SH3KBP1: variants seen among roughly 807,000 people sequenced by gnomAD.
SH3KBP1 encodes SH3 domain containing kinase binding protein 1, also known as SH3 domain-containing kinase-binding protein 1.
A neutral mutation model predicts 50.1 loss-of-function variants in SH3KBP1; 8 were observed. The ratio of observed to expected loss-of-function variants is 0.16; its 90% CI spans 0.09 to 0.29. The LOEUF is 0.29. Among genes scored for constraint, SH3KBP1 ranks in the 10% least tolerant of loss-of-function variants. The pLI, the probability that SH3KBP1 is intolerant of heterozygous loss-of-function variation, is 1.00. For missense variants in SH3KBP1, 377 were observed against 535.2 expected (o/e 0.70, Z 2.92); for synonymous variants, 227 against 218.6 (o/e 1.04, Z -0.34).
chrX:19,820,843 C>T (rs1301043371), intron 2 of SH3KBP1, among the ~76,000 whole-genome samples: 2 of 110,798 alleles, frequency 1.8e-5, no homozygotes. Context: ...TTTAGTATAT[C>T]TCTTTGTACA....
intron 12 of SH3KBP1, among the ~76,000 whole-genome samples, chrX:19,580,269 CATACACACAT>C (rs2066327547): frequency 8.9e-6 from 1 of 112,028 alleles, no homozygotes; most frequent in Admixed American, 9.4e-5. Flanking sequence ...CATACATACA[CATACACACAT>C]ATACACACAC....
intron 6 of SH3KBP1, among the ~76,000 whole-genome samples, chrX:19,652,993 T>G (rs4825312): frequency 0.18 from 19,462 of 110,571 alleles, 1,355 homozygotes; most frequent in Non-Finnish European, 0.19. Flanking sequence ...GTTGGTTTTT[T>G]TTTGTTTGTT....
chrX:19,847,464 G>GAGA (rs34671237), intron 1 of SH3KBP1, among the ~76,000 whole-genome samples: 35,677 of 110,834 alleles, frequency 0.32, 7,567 homozygotes, highest in African/African-American at 0.78. Flanking sequence ...CTGAGAATCT[G>GAGA]AGATGAGATC....
intron 12 of SH3KBP1, among the ~76,000 whole-genome samples, chrX:19,584,571 T>C (rs5909320): frequency 0.28 from 30,956 of 108,840 alleles, 4,236 homozygotes; most frequent in African/African-American, 0.53. Context: ...GGCCTCAAGT[T>C]ATCCTTCCAC....
At chrX:19,796,127 A>G (rs923755265) in intron 2 of SH3KBP1, among the ~76,000 whole-genome samples, 3 of 112,055 alleles carry the variant, frequency 2.7e-5, no homozygotes, top group African/African-American at 6.5e-5. Flanking sequence ...CCTCAGTTAC[A>G]TGGGATGTGT....
intron 4 of SH3KBP1, among the ~76,000 whole-genome samples, chrX:19,699,840 A>G (rs1217288703): frequency 9.0e-6 from 1 of 111,724 alleles, no homozygotes; most frequent in African/African-American, 3.3e-5. Flanking sequence ...TGTGACTGAA[A>G]AGATGGCGTG....
At chrX:19,838,886 CAAAAAAAAAAA>C (rs1187740894) in intron 1 of SH3KBP1, among the ~76,000 whole-genome samples, 3 of 30,079 alleles carry the variant, frequency 1.0e-4, no homozygotes, top group Admixed American at 8.0e-4. Flanking sequence ...AACTTTGTCT[CAAAAAAAAAAA>C]AAAAAAAAAG....
intron 8 of SH3KBP1, among the ~76,000 whole-genome samples, chrX:19,626,237 G>T (rs1002692406): frequency 9.0e-6 from 1 of 110,935 alleles, no homozygotes; most frequent in African/African-American, 3.3e-5. Context: ...GAAAAGGAGC[G>T]GTTCTAACTG....
intron 10 of SH3KBP1, 25 bp downstream of exon 10, chrX:19,594,924 T>A (rs1476993809): frequency 1.8e-6 from 2 of 1,125,057 alleles, no homozygotes; most frequent in Admixed American, 4.4e-5. Flanking sequence ...CATATTTTAT[T>A]TGATGGAACT....
At chrX:19,637,445 CA>C (rs1464709800) in intron 7 of SH3KBP1, among the ~76,000 whole-genome samples, 1 of 111,854 alleles carries the variant, frequency 8.9e-6, no homozygotes, top group African/African-American at 3.3e-5. Flanking sequence ...GTTGACCAGA[CA>C]ACAGTGAAGA....
intron 12 of SH3KBP1, among the ~76,000 whole-genome samples, chrX:19,572,971 G>T (rs756688608): frequency 9.0e-6 from 1 of 111,705 alleles, no homozygotes; most frequent in East Asian, 2.8e-4. Flanking sequence ...TTCCTGGGTA[G>T]TCTGATGGGT....
At chrX:19,653,692 C>G (rs1262560348) in intron 6 of SH3KBP1, among the ~76,000 whole-genome samples, 4 of 107,938 alleles carry the variant, frequency 3.7e-5, no homozygotes, top group African/African-American at 1.3e-4. Context: ...GCCTGGGTGA[C>G]AGAGTAAGAC....
At chrX:19,558,381 TGTAA>T (rs1569283599) in intron 13 of SH3KBP1, among the ~76,000 whole-genome samples, 1 of 112,546 alleles carries the variant, frequency 8.9e-6, no homozygotes. Flanking sequence ...TAAACTTTTA[TGTAA>T]GTTTTACTCA....
intron 7 of SH3KBP1, among the ~76,000 whole-genome samples, chrX:19,635,546 GAAGA>G (rs1185870106): frequency 9.4e-6 from 1 of 106,333 alleles, no homozygotes; most frequent in Admixed American, 1.0e-4. Context: ...TTTTTTTTTA[GAAGA>G]AAGAAAAAAA....
At chrX:19,728,086 T>C (rs1346141408) in intron 3 of SH3KBP1, among the ~76,000 whole-genome samples, 1 of 112,096 alleles carries the variant, frequency 8.9e-6, no homozygotes, top group Non-Finnish European at 1.9e-5. Flanking sequence ...GAAATAAATA[T>C]GGAGATGATA....
At chrX:19,542,286 TCC>T in intron 15 of SH3KBP1, 93 bp from the exon 16 acceptor site, 1 of 837,355 alleles carries the variant, frequency 1.2e-6, no homozygotes, top group Non-Finnish European at 1.6e-6. Flanking sequence ...AACACCACTG[TCC>T]CCGCCTCTCT....
In SH3KBP1 at chrX:19,772,621, A is replaced by G. The variant is rs140266944; in HGVS notation, c.163-26180T>C. 7.9e-3 allele frequency among the ~76,000 whole-genome samples: 881 copies of G among 111,589 alleles called. 10 individuals are homozygous for G. The highest frequency in any genetic ancestry group is 0.027 in the African/African-American group (824 of 30,673). Reference sequence around the variant, plus strand: ...AACTGGAGCTGTAAAAATCATTCCCAGGGAGAAGAGTTTCTGCAGTAGAGA... The same window carrying G: ...AACTGGAGCTGTAAAAATCATTCCCGGGGAGAAGAGTTTCTGCAGTAGAGA... On this transcript the variant is annotated intron_variant, in intron 2 of 17. Transcript: ENST00000397821.
At chrX:19,640,424 C>A (rs2061825529) in intron 7 of SH3KBP1, among the ~76,000 whole-genome samples, 1 of 111,164 alleles carries the variant, frequency 9.0e-6, no homozygotes, top group South Asian at 3.8e-4. Context: ...TTGCCTTGAG[C>A]CTATCAAAAC....
rs183596800 is a variant in SH3KBP1, at chrX:19,683,786, C to T, written c.726+37G>A. 108 of 1,158,543 alleles carry T rather than the reference C, an allele frequency of 9.3e-5. No homozygotes were observed. The African/African-American group carries it at 1.6e-3, about 17-fold the overall frequency. On this transcript the variant is annotated intron_variant, in intron 6 of 17. Coordinates refer to ENST00000397821, the MANE Select transcript of SH3KBP1 (RefSeq NM_031892.3). ...CCACAACGTACTTTTGGATATTCCA[C>T]ATTAAGTTGAAATCAAATAGAAACT...
Sources: allele counts gnomAD v4.1 joint callset (sites outside exome capture counted in the v4.1 genomes callset), GRCh38; gene constraint gnomAD v4.1.1; transcripts MANE v1.5; gene names NCBI Gene and HGNC (gene_info 2026-07-23, HGNC 2026-07-21).